Variants in DCC observed in about 807,000 individuals in gnomAD.
DCC encodes the protein DCC netrin 1 receptor.
DCC carries 58 observed loss-of-function variants against 172.5 expected under a neutral mutation model. The observed-to-expected ratio is 0.34, with a 90% CI of 0.27 to 0.42. The LOEUF is 0.42. DCC is among the 10% of genes least tolerant of loss of function. The pLI is 1.00. For synonymous variants in DCC, 709 were observed against 644.5 expected (o/e 1.10, Z -1.52); for missense variants, 1,740 against 1,791.0 (o/e 0.97, Z 0.51).
intron 5 of DCC, among the ~76,000 whole-genome samples, chr18:52,970,544 T>C (rs1386452902): frequency 6.6e-6 from 1 of 152,144 alleles, no homozygotes; most frequent in Admixed American, 6.6e-5. Flanking sequence ...TAAAGACATA[T>C]TGTTTAGAAT....
At chr18:52,926,680 T>C (rs917927213) in intron 5 of DCC, among the ~76,000 whole-genome samples, 2 of 151,406 alleles carry the variant, frequency 1.3e-5, no homozygotes, top group African/African-American at 4.8e-5. Context: ...GGTCAAATTT[T>C]ATTTCAAATT....
At chr18:52,785,524 G>T (rs1160489794) in intron 2 of DCC, among the ~76,000 whole-genome samples, 2 of 151,956 alleles carry the variant, frequency 1.3e-5, no homozygotes, top group Admixed American at 6.6e-5. Flanking sequence ...CCTGCTGAAA[G>T]GGGTATCATG....
chr18:53,242,822 C>T (rs942639861), intron 12 of DCC, among the ~76,000 whole-genome samples: 2 of 151,878 alleles, frequency 1.3e-5, no homozygotes, highest in African/African-American at 4.8e-5. Context: ...ATAAAAGTAT[C>T]CTTATCCTCC....
intron 1 of DCC, among the ~76,000 whole-genome samples, chr18:52,589,699 T>C (rs1418901919): frequency 6.6e-6 from 1 of 152,212 alleles, no homozygotes. Context: ...AGCCTTTTTC[T>C]GTTTATAGTG....
intron 27 of DCC, among the ~76,000 whole-genome samples, chr18:53,514,289 C>T (rs965486788): frequency 1.9e-3 from 281 of 151,732 alleles, no homozygotes; most frequent in African/African-American, 5.3e-3. Flanking sequence ...ATCTCTGGGA[C>T]GCATTCAAAG....
intron 5 of DCC, among the ~76,000 whole-genome samples, chr18:53,050,600 C>T (rs576606789): frequency 6.6e-6 from 1 of 152,182 alleles, no homozygotes; most frequent in Admixed American, 6.5e-5. Context: ...TATAGGAATA[C>T]TACTGATTTT....
chr18:53,063,278 C>T (rs1310650478), intron 5 of DCC, 27 bp from the exon 6 acceptor site: 4 of 1,611,606 alleles, frequency 2.5e-6, no homozygotes, highest in Non-Finnish European at 3.4e-6. Context: ...CACCCACTCA[C>T]TCACTTTTTT....
intron 1 of DCC, among the ~76,000 whole-genome samples, chr18:52,733,454 C>A (rs560298451): frequency 5.3e-5 from 8 of 152,088 alleles, no homozygotes; most frequent in Non-Finnish European, 1.0e-4. Flanking sequence ...GCAGCCATCC[C>A]TTTCAAGTTA....
At chr18:53,258,175 T>C (rs917743844) in intron 12 of DCC, among the ~76,000 whole-genome samples, 35 of 152,292 alleles carry the variant, frequency 2.3e-4, no homozygotes, top group African/African-American at 6.5e-4. Context: ...CCTGGAATCA[T>C]TGATTTTTTG....
intron 12 of DCC, among the ~76,000 whole-genome samples, chr18:53,260,960 C>T (rs2056590318): frequency 6.6e-6 from 1 of 152,148 alleles, no homozygotes. Flanking sequence ...GACTGCTGTG[C>T]TAGCAATGAG....
chr18:53,114,727 C>G (rs1041175012), intron 7 of DCC, among the ~76,000 whole-genome samples: 1 of 151,600 alleles, frequency 6.6e-6, no homozygotes, highest in African/African-American at 2.4e-5. Flanking sequence ...TAACTGAGGA[C>G]TTCAAATCAC....
chr18:53,108,985 C>G (rs996509258), intron 7 of DCC, among the ~76,000 whole-genome samples: 1 of 150,630 alleles, frequency 6.6e-6, no homozygotes, highest in Non-Finnish European at 1.5e-5. Flanking sequence ...TAATGTCCAT[C>G]TAGTTGCCAA....
At chr18:53,225,365 C>T (rs1438621764) in intron 12 of DCC, among the ~76,000 whole-genome samples, 1 of 151,908 alleles carries the variant, frequency 6.6e-6, no homozygotes, top group African/African-American at 2.4e-5. Flanking sequence ...GAGAGATAAC[C>T]ACAACTTTTA....
intron 15 of DCC, among the ~76,000 whole-genome samples, chr18:53,350,493 A>G (rs1247534684): frequency 6.6e-6 from 1 of 152,184 alleles, no homozygotes; most frequent in Non-Finnish European, 1.5e-5. Flanking sequence ...ATTTAAAAAC[A>G]TAAGCTAAGC....
chr18:52,823,193 G>A (rs908313195), intron 2 of DCC, among the ~76,000 whole-genome samples: 1 of 152,074 alleles, frequency 6.6e-6, no homozygotes, highest in Non-Finnish European at 1.5e-5. Flanking sequence ...CTCAGGCCAG[G>A]CTTTGTGGCT....
At chr18:52,404,561 G>A (rs924507373) in intron 1 of DCC, among the ~76,000 whole-genome samples, 16 of 150,140 alleles carry the variant, frequency 1.1e-4, no homozygotes, top group Admixed American at 7.2e-4. Context: ...GCAGAAATAC[G>A]AAGAAAAGAG....
intron 8 of DCC, among the ~76,000 whole-genome samples, chr18:53,169,525 C>A (rs1465135017): frequency 6.6e-6 from 1 of 152,096 alleles, no homozygotes; most frequent in Non-Finnish European, 1.5e-5. Context: ...CTGAATTTGG[C>A]TTAACTCCAC....
intron 13 of DCC, among the ~76,000 whole-genome samples, chr18:53,318,194 T>C (rs1028189311): frequency 1.3e-5 from 2 of 152,186 alleles, no homozygotes; most frequent in African/African-American, 4.8e-5. Context: ...TTGTTCTCAT[T>C]GGTTTCAAAG....
intron 5 of DCC, among the ~76,000 whole-genome samples, chr18:53,048,924 CTAA>C (rs2042296626): frequency 6.6e-6 from 1 of 151,868 alleles, no homozygotes; most frequent in Admixed American, 6.6e-5. Context: ...TTGCATTTCT[CTAA>C]TGATTAGTGA....
Sources: gnomAD v4.1 joint callset for allele counts (sites outside exome capture counted in the v4.1 genomes callset) on GRCh38, gnomAD v4.1.1 for gene constraint, MANE v1.5 for transcripts, NCBI Gene and HGNC (gene_info 2026-07-23, HGNC 2026-07-21) for gene names.